Variants in RAD51B observed in about 807,000 individuals in gnomAD.
RAD51B encodes RAD51 paralog B, also known as DNA repair protein RAD51 homolog 2.
In RAD51B, 38 loss-of-function variants were observed where a neutral mutation model predicts 42.2. The ratio of observed to expected loss-of-function variants is 0.90; its 90% CI spans 0.70 to 1.18. The LOEUF (loss-of-function observed/expected upper bound fraction) is 1.18, where lower values mean the gene tolerates loss of function less well. Among genes scored for constraint, RAD51B ranks in the 50% most tolerant of loss-of-function variants. RAD51B has a pLI of 0.00. For synonymous variants in RAD51B, 154 were observed against 145.2 expected, an observed-to-expected ratio of 1.06 and a Z score of -0.43; for missense variants, 373 against 400.7, an observed-to-expected ratio of 0.93 and a Z score of 0.59.
chr14:68,289,859 C>T (rs550943959), intron 7 of RAD51B, among the ~76,000 whole-genome samples: 32 of 152,174 alleles, frequency 2.1e-4, no homozygotes, highest in African/African-American at 7.2e-4. Context: ...TGGAAAGTAG[C>T]AATACGAAAG....
chr14:68,182,556 T>C (rs1008989616), intron 7 of RAD51B, among the ~76,000 whole-genome samples: 17 of 152,388 alleles, frequency 1.1e-4, no homozygotes, highest in African/African-American at 4.1e-4. Flanking sequence ...TTAAATTGTA[T>C]GTGTTTGCAC....
At chr14:67,845,758 C>T (rs1052849147) in intron 4 of RAD51B, among the ~76,000 whole-genome samples, 1 of 152,160 alleles carries the variant, frequency 6.6e-6, no homozygotes, top group Non-Finnish European at 1.5e-5. Context: ...CCAATCTCTT[C>T]CAGCTTGCAG....
chr14:68,122,592 A>C (rs2077672101), intron 7 of RAD51B, among the ~76,000 whole-genome samples: 1 of 152,204 alleles, frequency 6.6e-6, no homozygotes, highest in South Asian at 2.1e-4. Flanking sequence ...TTTTTGGTGG[A>C]ATGATAAATT....
chr14:68,270,999 G>A lies in RAD51B; in HGVS notation c.757-20885G>A, dbSNP rs140483541. ...AATATTCATATGTGTACTGTCCTCT[G>A]CTTCATTAACTCTATGTTCATATTT... On this transcript the variant is annotated intron_variant, in intron 7 of 10. Coordinates refer to ENST00000471583, the MANE Select transcript of RAD51B (RefSeq NM_133510.4). 5.2e-3 allele frequency among the ~76,000 whole-genome samples: 787 copies of A among 152,232 alleles called. 10 individuals are homozygous for A. The highest frequency in any genetic ancestry group is 0.017 in the African/African-American group (721 of 41,518).
At chr14:68,636,105 T>C (rs1892334480) in intron 10 of RAD51B, among the ~76,000 whole-genome samples, 1 of 152,220 alleles carries the variant, frequency 6.6e-6, no homozygotes, top group Admixed American at 6.5e-5. Flanking sequence ...CTAATGCTGA[T>C]TGTCACCAAA....
chr14:68,092,983 T>C (rs923470031), intron 7 of RAD51B, among the ~76,000 whole-genome samples: 1 of 150,204 alleles, frequency 6.7e-6, no homozygotes, highest in African/African-American at 2.5e-5. Flanking sequence ...TTTGGTTCTG[T>C]TTATATGCTG....
intron 8 of RAD51B, chr14:68,339,380 G>T (rs779180059): frequency 1.2e-4 from 117 of 991,322 alleles, no homozygotes; most frequent in Middle Eastern, 2.9e-4. Flanking sequence ...AGCGGGTGAG[G>T]TCTCTTTGGG....
At chr14:67,980,380 G>GT (rs1312784695) in intron 7 of RAD51B, among the ~76,000 whole-genome samples, 1 of 152,220 alleles carries the variant, frequency 6.6e-6, no homozygotes, top group Non-Finnish European at 1.5e-5. Flanking sequence ...GGAGGCAGAA[G>GT]TTGCAGTGAG....
At chr14:68,012,434 A>ATG in intron 7 of RAD51B, among the ~76,000 whole-genome samples, 1 of 151,788 alleles carries the variant, frequency 6.6e-6, no homozygotes. Context: ...AAAGAATTTT[A>ATG]TATATATATA....
At chr14:68,166,352 G>A (rs79033543) in intron 7 of RAD51B, among the ~76,000 whole-genome samples, 2,372 of 152,094 alleles carry the variant, frequency 0.016, 69 homozygotes, top group African/African-American at 0.052. Flanking sequence ...GTTCAGCATA[G>A]TAAATCTTTG....
rs565135938 is a variant in RAD51B, at chr14:68,526,444, C to A, written c.1036+58194C>A. On this transcript the variant is annotated intron_variant, in intron 10 of 10. Transcript: ENST00000487270. ...AACGTGTCGTTAAGCGACATGTGAC[C>A]GTATTATACGTCCAGCAATTGAGAT... 5.3e-5 allele frequency among the ~76,000 whole-genome samples: 8 copies of A among 152,306 alleles called. 1 individual carries two copies. The South Asian group carries it at 1.0e-3, about 20-fold the overall frequency.
chr14:68,485,272 C>G (rs1050664360), intron 10 of RAD51B, among the ~76,000 whole-genome samples: 1 of 152,208 alleles, frequency 6.6e-6, no homozygotes, highest in Non-Finnish European at 1.5e-5. Context: ...CTAGGCATCT[C>G]TTTTCACTGC....
At chr14:68,507,275 G>A (rs543603558) in intron 10 of RAD51B, among the ~76,000 whole-genome samples, 8 of 152,266 alleles carry the variant, frequency 5.3e-5, no homozygotes, top group South Asian at 4.2e-4. Context: ...GTGGCAGCTC[G>A]GGTGTCCTCG....
At chr14:68,337,905 G>T (rs1324558195) in intron 8 of RAD51B, among the ~76,000 whole-genome samples, 2 of 152,044 alleles carry the variant, frequency 1.3e-5, no homozygotes, top group Non-Finnish European at 2.9e-5. Context: ...CTTAGTAGCT[G>T]GGACTACAGG....
chr14:68,306,642 T>C lies in RAD51B; in HGVS notation c.853+14662T>C, dbSNP rs184058721. The C allele has an allele frequency of 7.8e-6, 4 of 515,150 alleles. No individual in the cohort carries two copies. In the Admixed American group the frequency reaches 7.9e-5, roughly 10 times the overall value. 31.9% of individuals were successfully genotyped at this position (515,150 alleles called of 1,614,324 possible). Reference sequence around the variant, plus strand: ...ATATAACCTTGATCCTCTGGCCTAATAAACATTCTTGCAATTCTAAATGTA... The same window carrying C: ...ATATAACCTTGATCCTCTGGCCTAACAAACATTCTTGCAATTCTAAATGTA... On this transcript the variant is annotated intron_variant, in intron 8 of 10. Transcript: ENST00000471583.
chr14:68,329,040 T>A (rs1419762980), intron 8 of RAD51B, among the ~76,000 whole-genome samples: 3 of 152,166 alleles, frequency 2.0e-5, no homozygotes, highest in African/African-American at 7.2e-5. Flanking sequence ...ACAGGGTCTT[T>A]TGCTGTTGCC....
chr14:68,364,637 A>T (rs1348936532), intron 8 of RAD51B, among the ~76,000 whole-genome samples: 1 of 151,250 alleles, frequency 6.6e-6, no homozygotes, highest in Non-Finnish European at 1.5e-5. Flanking sequence ...AACAAGGGGG[A>T]CAATGATCTC....
intron 8 of RAD51B, among the ~76,000 whole-genome samples, chr14:68,404,437 C>T (rs565782764): frequency 4.6e-5 from 7 of 152,288 alleles, no homozygotes; most frequent in South Asian, 2.1e-4. Flanking sequence ...TTCCCATCAA[C>T]AGCATTAACA....
intron 4 of RAD51B, among the ~76,000 whole-genome samples, chr14:67,860,982 T>A (rs1262021090): frequency 2.0e-5 from 3 of 151,896 alleles, no homozygotes. Flanking sequence ...TTACTTTAGC[T>A]CAGGAGTTCA....
Sources: gnomAD v4.1 joint callset for allele counts (sites outside exome capture counted in the v4.1 genomes callset) on GRCh38, gnomAD v4.1.1 for gene constraint, MANE v1.5 for transcripts, NCBI Gene and HGNC (gene_info 2026-07-23, HGNC 2026-07-21) for gene names.